Variants in ABCB9 observed in about 807,000 individuals in gnomAD.
ABCB9 encodes the protein ATP binding cassette subfamily B member 9, also known as ABC-type oligopeptide transporter ABCB9.
A neutral mutation model predicts 62.0 loss-of-function variants in ABCB9; 36 were observed. The ratio of observed to expected loss-of-function variants is 0.58; its 90% CI spans 0.45 to 0.77. The LOEUF (loss-of-function observed/expected upper bound fraction) is 0.77. ABCB9 is among the 30% of genes least tolerant of loss of function. The pLI, the probability that ABCB9 is intolerant of heterozygous loss-of-function variation, is 0.00. For missense variants in ABCB9, 943 were observed against 1,054.7 expected (o/e 0.89, Z 1.47); for synonymous variants, 435 against 461.4 (o/e 0.94, Z 0.73).
chr12:122,960,914 A>C (rs1201861417), intron 1 of ABCB9, among the ~76,000 whole-genome samples: 1 of 151,960 alleles, frequency 6.6e-6, no homozygotes, highest in Admixed American at 6.6e-5. Context: ...AACAAACATT[A>C]ACTGAGTGTG....
At chr12:122,938,600 G>A (rs1346265928) in intron 9 of ABCB9, among the ~76,000 whole-genome samples, 1 of 150,860 alleles carries the variant, frequency 6.6e-6, no homozygotes, top group Admixed American at 6.6e-5. Context: ...AGGCCGAGGC[G>A]GGTGGATCAC....
At chr12:122,938,872 T>C (rs762928841) in intron 9 of ABCB9, among the ~76,000 whole-genome samples, 48 of 147,686 alleles carry the variant, frequency 3.3e-4, no homozygotes, top group Non-Finnish European at 6.6e-4. Flanking sequence ...TAAAATAAAA[T>C]ATAAAGGGAA....
chr12:122,941,380 G>A (rs941831598), intron 7 of ABCB9, among the ~76,000 whole-genome samples: 2 of 150,462 alleles, frequency 1.3e-5, no homozygotes, highest in Non-Finnish European at 3.0e-5. Flanking sequence ...TGCAATCTTG[G>A]CTCACTGCAC....
chr12:122,973,594 A>C (rs1381354470), intron 1 of ABCB9, among the ~76,000 whole-genome samples: 22 of 143,402 alleles, frequency 1.5e-4, no homozygotes, highest in East Asian at 4.1e-4. Context: ...AAAAAAAAAA[A>C]AAAAAAAAAA....
chr12:122,972,428 G>A (rs139506206), intron 1 of ABCB9, among the ~76,000 whole-genome samples: 252 of 152,352 alleles, frequency 1.7e-3, no homozygotes, highest in African/African-American at 5.8e-3. Flanking sequence ...AAAAATAACA[G>A]GGGCGCTTCT....
chr12:122,925,655 G>A (rs1157842366), downstream of ABCB9, among the ~76,000 whole-genome samples: 1 of 152,146 alleles, frequency 6.6e-6, no homozygotes, highest in African/African-American at 2.4e-5. Flanking sequence ...GGCTGAGGCA[G>A]GAGAATGGCA....
At chr12:122,927,485 T>A (rs967521056), downstream of ABCB9, among the ~76,000 whole-genome samples, 5 of 152,230 alleles carry the variant, frequency 3.3e-5, no homozygotes, top group Admixed American at 6.5e-5. Context: ...ATTACTTTTT[T>A]AAAACTCCTA....
At chr12:122,967,372 G>T (rs1446359886), upstream of ABCB9, among the ~76,000 whole-genome samples, 3 of 152,234 alleles carry the variant, frequency 2.0e-5, no homozygotes. Context: ...GAACCAACTT[G>T]GCCACTTGAG....
chr12:122,961,895 T>C (rs974767570), intron 1 of ABCB9, among the ~76,000 whole-genome samples: 3 of 152,220 alleles, frequency 2.0e-5, no homozygotes, highest in African/African-American at 7.2e-5. Context: ...CCATATACAG[T>C]GTGTGCTTAA....
chr12:122,959,734 G>T lies in ABCB9; in HGVS notation c.502C>A (p.Gln168Lys), dbSNP rs2036791081. The T allele has an allele frequency of 5.0e-6, 8 of 1,611,204 alleles. No individual in the cohort carries two copies. The highest frequency in any genetic ancestry group is 6.8e-6 in the Non-Finnish European group (8 of 1,178,816). Residue 168 changes from glutamine to lysine, a missense_variant, in exon 2 of 12, where the codon CAG becomes AAG. Transcript: ENST00000280560. This position sits in a 1 kb window ranked among gnomAD's most constrained non-coding sequence, Gnocchi z 5.4. ...TTCTGCAGCGTGGCCCCAGACGCCT[G>T]CTCGGGCGGTGGCCGGCCGCTCCCA... is the stretch of plus-strand genomic sequence containing the variant. The part of the protein sequence containing the change: ...FPGSGRPPPE[Q>K]ASGATLQKLL...
intron 1 of ABCB9, among the ~76,000 whole-genome samples, chr12:122,965,938 G>T (rs956881341): frequency 1.3e-5 from 2 of 152,264 alleles, no homozygotes; most frequent in African/African-American, 4.8e-5. Context: ...GGGAAGCCCT[G>T]ACATGGACAG....
chr12:122,936,835 C>A (rs548245097), intron 9 of ABCB9, among the ~76,000 whole-genome samples: 1 of 149,090 alleles, frequency 6.7e-6, no homozygotes, highest in Non-Finnish European at 1.5e-5. Flanking sequence ...CCCCTCGAGG[C>A]GGAGGATGTG....
At chr12:122,931,888 C>G (rs1269947576) in intron 11 of ABCB9, 1 of 420,584 alleles carries the variant, frequency 2.4e-6, no homozygotes, top group African/African-American at 2.0e-5. Flanking sequence ...AGGTGATCCA[C>G]CTGCTTCGGC....
intron 7 of ABCB9, among the ~76,000 whole-genome samples, 156 bp from the exon 8 acceptor site, chr12:122,941,151 C>T (rs944812541): frequency 6.6e-6 from 1 of 152,024 alleles, no homozygotes; most frequent in Non-Finnish European, 1.5e-5. Context: ...TAGATAACGA[C>T]AGTAAGGGGA....
In ABCB9 at chr12:122,932,613, C is replaced by T. The variant is rs1393945180; in HGVS notation, c.1904-285G>A. 2.0e-5 allele frequency among the ~76,000 whole-genome samples: 3 copies of T among 152,186 alleles called. No homozygotes were observed. The highest frequency in any genetic ancestry group is 4.4e-5 in the Non-Finnish European group (3 of 68,026). On this transcript the variant is annotated intron_variant, in intron 10 of 11. Coordinates refer to ENST00000280560, the MANE Select transcript of ABCB9 (RefSeq NM_019625.4). This position sits in a 1 kb window ranked among gnomAD's most constrained non-coding sequence, Gnocchi z 4.7. ...GGCTGCAGGGAGACAGGCCCTCACC[C>T]GTCCTCCTGGAGAAGGGGAGTTGGA...
At chr12:122,918,702 C>T (rs955387677), downstream of ABCB9, among the ~76,000 whole-genome samples, 3 of 152,104 alleles carry the variant, frequency 2.0e-5, no homozygotes, top group Non-Finnish European at 4.4e-5. Flanking sequence ...AAGCGATCCT[C>T]CCACTTCGGC....
At chr12:122,948,443 TG>T in intron 5 of ABCB9, 180 bp downstream of exon 5, 1 of 611,842 alleles carries the variant, frequency 1.6e-6, no homozygotes, top group Non-Finnish European at 2.7e-6. Context: ...TCCCAGTGCC[TG>T]GGACATAGCA....
At chr12:122,933,557 A>G (rs79219225) in intron 10 of ABCB9, among the ~76,000 whole-genome samples, 2 of 145,814 alleles carry the variant, frequency 1.4e-5, no homozygotes, top group East Asian at 3.9e-4. Context: ...CCATCTCAAG[A>G]AAAAAAAAAA....
rs758377796 is a variant in ABCB9, at chr12:122,940,804, C to G, written c.1569+3G>C. On this transcript the variant is annotated splice_donor_region_variant and intron_variant, in intron 8 of 11. Coordinates refer to ENST00000280560, the MANE Select transcript of ABCB9 (RefSeq NM_019625.4). The surrounding 1 kb of genome is among the most constrained non-coding windows in gnomAD (Gnocchi z 4.8). Reference sequence around the variant, plus strand: ...TCTGGCAGGCCTCAAGCCGCGCCCTCACCTGCAGGACCTGGGTGTGGGGCC... The same window carrying G: ...TCTGGCAGGCCTCAAGCCGCGCCCTGACCTGCAGGACCTGGGTGTGGGGCC... The G allele has an allele frequency of 6.3e-7, 1 of 1,578,148 alleles. No individual in the cohort carries two copies. Among genetic ancestry groups the G allele is most frequent in the East Asian group, 2.3e-5 (1 of 44,104 alleles).
Sources: gnomAD v4.1 joint callset for allele counts (sites outside exome capture counted in the v4.1 genomes callset) on GRCh38, gnomAD v4.1.1 for gene constraint, Gnocchi (gnomAD v3.1) non-coding constraint, MANE v1.5 for transcripts, NCBI Gene and HGNC (gene_info 2026-07-23, HGNC 2026-07-21) for gene names.